The following REDIC1 variants were observed in gnomAD, a reference collection of about 807,000 sequenced individuals.
REDIC1 encodes regulator of DNA class I crossover intermediates 1, also known as HEI10 Interacting Protein 1.
chr12:39,869,720 T>C, the REDIC1 span, among the ~76,000 whole-genome samples: 1 of 152,150 alleles, frequency 6.6e-6, no homozygotes, highest in Admixed American at 6.5e-5. Context: ...AGACCTACAC[T>C]GAGAGGGAAA....
the REDIC1 span, chr12:39,683,433 AC>A: frequency 6.2e-7 from 1 of 1,601,232 alleles, no homozygotes; most frequent in Non-Finnish European, 8.5e-7. Flanking sequence ...GAAAATGATT[AC>A]CAAGAGAAGA....
chr12:39,796,552 C>T, the REDIC1 span, among the ~76,000 whole-genome samples: 1 of 151,728 alleles, frequency 6.6e-6, no homozygotes, highest in Non-Finnish European at 1.5e-5. Flanking sequence ...TTCCCATGAG[C>T]TGGGAGCTGG....
chr12:39,643,848 T>A, the REDIC1 span: 1 of 1,573,116 alleles, frequency 6.4e-7, no homozygotes, highest in Non-Finnish European at 8.7e-7. Flanking sequence ...TGTCAAAAAT[T>A]CTGCTGTCAG....
chr12:39,879,319 C>T, the REDIC1 span, among the ~76,000 whole-genome samples: 1 of 152,206 alleles, frequency 6.6e-6, no homozygotes, highest in Non-Finnish European at 1.5e-5. Flanking sequence ...AAATGGGCCA[C>T]CATCCTCTAG....
At chr12:39,669,258 T>A in the REDIC1 span, among the ~76,000 whole-genome samples, 2 of 152,208 alleles carry the variant, frequency 1.3e-5, no homozygotes, top group Non-Finnish European at 2.9e-5. Context: ...TGTTTGTTAG[T>A]TTTCCTTCTA....
At chr12:39,799,040 A>T in the REDIC1 span, among the ~76,000 whole-genome samples, 1 of 149,050 alleles carries the variant, frequency 6.7e-6, no homozygotes, top group East Asian at 2.0e-4. Flanking sequence ...CAGATAATAC[A>T]GCCACCTGAA....
chr12:39,760,355 T>C, the REDIC1 span: 2 of 1,039,198 alleles, frequency 1.9e-6, no homozygotes, highest in East Asian at 5.2e-5. Flanking sequence ...CAGTCATGCA[T>C]AATCACAGTA....
At chr12:39,636,884 T>A in the REDIC1 span, among the ~76,000 whole-genome samples, 2 of 152,108 alleles carry the variant, frequency 1.3e-5, no homozygotes, top group Admixed American at 6.6e-5. Flanking sequence ...AGTGTTTTTT[T>A]AAACATTTCT....
chr12:39,672,395 G>A, the REDIC1 span, among the ~76,000 whole-genome samples: 2 of 152,136 alleles, frequency 1.3e-5, no homozygotes, highest in African/African-American at 4.8e-5. Flanking sequence ...GCATGCAAGT[G>A]TGAGGTGGCT....
At chr12:39,893,683 CT>C in the REDIC1 span, among the ~76,000 whole-genome samples, 964 of 152,284 alleles carry the variant, frequency 6.3e-3, 7 homozygotes, top group African/African-American at 0.022. Context: ...AAAAACTGAT[CT>C]TTTATGCAAT....
At chr12:39,787,400 A>G in the REDIC1 span, among the ~76,000 whole-genome samples, 2 of 152,220 alleles carry the variant, frequency 1.3e-5, no homozygotes, top group Admixed American at 6.5e-5. Context: ...TTTTTCTTCT[A>G]TAAAGTTTTA....
At chr12:39,860,106 T>C in the REDIC1 span, among the ~76,000 whole-genome samples, 1 of 152,164 alleles carries the variant, frequency 6.6e-6, no homozygotes, top group Non-Finnish European at 1.5e-5. Context: ...AAGAACTGTG[T>C]TAGCTAAAAA....
the REDIC1 span, among the ~76,000 whole-genome samples, chr12:39,902,648 G>A: frequency 6.6e-6 from 1 of 152,106 alleles, no homozygotes; most frequent in Non-Finnish European, 1.5e-5. Context: ...GAACATTTCA[G>A]TGGTAAAGGC....
the REDIC1 span, among the ~76,000 whole-genome samples, chr12:39,747,350 ATGAAG>A: frequency 6.6e-6 from 1 of 152,248 alleles, no homozygotes. Flanking sequence ...AATGAATGAA[ATGAAG>A]TGAGAAGAGA....
the REDIC1 span, among the ~76,000 whole-genome samples, chr12:39,770,506 A>T: frequency 6.6e-6 from 1 of 152,110 alleles, no homozygotes; most frequent in African/African-American, 2.4e-5. Flanking sequence ...CAAAATACCA[A>T]CCAGTGCATT....
At chr12:39,711,567 A>ATACACATGCATGTG in the REDIC1 span, among the ~76,000 whole-genome samples, 1 of 13,572 alleles carries the variant, frequency 7.4e-5, no homozygotes, top group African/African-American at 1.3e-4. Flanking sequence ...ATGCATGTGT[A>ATACACATGCATGTG]TATGTGCATA....
the REDIC1 span, among the ~76,000 whole-genome samples, chr12:39,722,204 G>A: frequency 1.3e-5 from 2 of 152,192 alleles, no homozygotes; most frequent in South Asian, 4.1e-4. Flanking sequence ...TGTTGCAGAG[G>A]TGATTTGGGG....
At chr12:39,803,426 A>G in the REDIC1 span, among the ~76,000 whole-genome samples, 1 of 152,170 alleles carries the variant, frequency 6.6e-6, no homozygotes, top group Non-Finnish European at 1.5e-5. Context: ...TAAAACTATC[A>G]CTTAGGAGCA....
the REDIC1 span, among the ~76,000 whole-genome samples, chr12:39,636,105 T>C: frequency 6.6e-6 from 1 of 152,190 alleles, no homozygotes; most frequent in Admixed American, 6.5e-5. Flanking sequence ...TACTTATGTG[T>C]TGGAGTGTCA....
Sources: allele counts gnomAD v4.1 joint callset (sites outside exome capture counted in the v4.1 genomes callset), GRCh38; gene constraint gnomAD v4.1.1; transcripts MANE v1.5; gene names NCBI Gene and HGNC (gene_info 2026-07-23, HGNC 2026-07-21).